KDM4C: variants seen among roughly 807,000 people sequenced by gnomAD.
The protein encoded by KDM4C is lysine demethylase 4C, also known as lysine-specific demethylase 4C.
In KDM4C, 81 loss-of-function variants were observed where a neutral mutation model predicts 129.3. That is an observed-to-expected ratio of 0.63 (90% CI 0.52 to 0.75). The LOEUF (loss-of-function observed/expected upper bound fraction) is 0.75. Among genes scored for constraint, KDM4C ranks in the 30% least tolerant of loss-of-function variants. The pLI is 0.00. For missense variants in KDM4C, 1,457 were observed against 1,304.0 expected, an observed-to-expected ratio of 1.12 and a Z score of -1.81; for synonymous variants, 573 against 456.1, an observed-to-expected ratio of 1.26 and a Z score of -3.26.
At chr9:6,865,149 C>T (rs934855211) in intron 5 of KDM4C, among the ~76,000 whole-genome samples, 9 of 151,942 alleles carry the variant, frequency 5.9e-5, no homozygotes, top group Admixed American at 4.6e-4. Context: ...GCTGGGACTG[C>T]AGGTGCCCGC....
intron 8 of KDM4C, among the ~76,000 whole-genome samples, chr9:6,954,705 C>T (rs1563878225): frequency 6.6e-6 from 1 of 152,118 alleles, no homozygotes; most frequent in Non-Finnish European, 1.5e-5. Flanking sequence ...TTCTATGTAA[C>T]TTCTTAAAAG....
At chr9:6,865,184 A>G (rs1021790700) in intron 5 of KDM4C, among the ~76,000 whole-genome samples, 1 of 151,462 alleles carries the variant, frequency 6.6e-6, no homozygotes, top group Non-Finnish European at 1.5e-5. Flanking sequence ...AATTTTTTGT[A>G]TTTTTAGTAG....
intron 15 of KDM4C, among the ~76,000 whole-genome samples, chr9:7,033,294 T>C (rs1827092272): frequency 6.6e-6 from 1 of 152,176 alleles, no homozygotes. Flanking sequence ...CATTCACCAT[T>C]GGGCGGGTAG....
chr9:6,973,540 A>G (rs1018028758), intron 8 of KDM4C, among the ~76,000 whole-genome samples: 17 of 152,136 alleles, frequency 1.1e-4, no homozygotes, highest in African/African-American at 3.9e-4. Context: ...TCAAGGTTTC[A>G]TTTTTTCCAG....
chr9:6,986,643 A>C lies in KDM4C; in HGVS notation c.1654A>C (p.Arg552=). Residue 552 remains arginine, a synonymous_variant, in exon 11 of 22, where the codon AGA becomes CGA. Coordinates refer to ENST00000381309, the MANE Select transcript of KDM4C (RefSeq NM_015061.6). ...AATCCCAGCGGTCCCCAGTGGAGAGAGAAATAGCTTCAAAGTCCCCAGTGT... is the reference window on the plus strand; with the variant it reads ...AATCCCAGCGGTCCCCAGTGGAGAGCGAAATAGCTTCAAAGTCCCCAGTGT... The part of the protein sequence containing the change: ...GEIPAVPSGE[R]NSFKVPSIAE... 8 of 1,608,692 alleles carry C rather than the reference A, an allele frequency of 5.0e-6. No individual in the cohort carries two copies. Among genetic ancestry groups the C allele is most frequent in the Non-Finnish European group, 6.8e-6 (8 of 1,175,766 alleles).
intron 1 of KDM4C, among the ~76,000 whole-genome samples, chr9:6,741,101 AT>A (rs1249736111): frequency 6.6e-6 from 1 of 151,980 alleles, no homozygotes; most frequent in African/African-American, 2.4e-5. Context: ...TATGAAATAT[AT>A]TTTTAAAAAC....
At chr9:6,831,012 A>G (rs1339554232) in intron 4 of KDM4C, among the ~76,000 whole-genome samples, 1 of 152,246 alleles carries the variant, frequency 6.6e-6, no homozygotes, top group African/African-American at 2.4e-5. Context: ...AAAAGGCTCA[A>G]GTACAGCCCA....
chr9:6,757,856 G>C (rs1667332958), upstream of KDM4C: 2 of 985,536 alleles, frequency 2.0e-6, no homozygotes, highest in South Asian at 9.4e-5. Flanking sequence ...CCACAGCGCG[G>C]AAGTTGAGCC....
intron 1 of KDM4C, among the ~76,000 whole-genome samples, chr9:6,746,049 G>A (rs1362630472): frequency 1.3e-5 from 2 of 151,578 alleles, no homozygotes; most frequent in East Asian, 1.9e-4. Context: ...CAGGTGATCC[G>A]CCTGCCTCAG....
At chr9:6,854,525 C>CA (rs1177446839) in intron 5 of KDM4C, among the ~76,000 whole-genome samples, 2,110 of 40,860 alleles carry the variant, frequency 0.052, 92 homozygotes, top group African/African-American at 0.11. Flanking sequence ...AACTCCGTCT[C>CA]AAAAAAAAAA....
At chr9:7,116,189 A>G (rs866178966) in intron 18 of KDM4C, among the ~76,000 whole-genome samples, 31 of 152,312 alleles carry the variant, frequency 2.0e-4, no homozygotes, top group African/African-American at 7.2e-4. Flanking sequence ...TGCAAGCATC[A>G]GATACCTTAA....
intron 21 of KDM4C, among the ~76,000 whole-genome samples, chr9:7,173,876 C>T (rs532964789): frequency 1.3e-5 from 2 of 152,250 alleles, no homozygotes; most frequent in African/African-American, 4.8e-5. Context: ...GTGAGCATCT[C>T]CTGCAGACAC....
intron 17 of KDM4C, among the ~76,000 whole-genome samples, chr9:7,091,206 G>A (rs1037806214): frequency 6.6e-6 from 1 of 152,096 alleles, no homozygotes; most frequent in Non-Finnish European, 1.5e-5. Context: ...TTTTGTCACT[G>A]TCATGAGATT....
intron 4 of KDM4C, among the ~76,000 whole-genome samples, chr9:6,832,988 G>C (rs1450048914): frequency 6.6e-6 from 1 of 151,202 alleles, no homozygotes; most frequent in South Asian, 2.1e-4. Context: ...TGCTTGCCTC[G>C]GCCTCCCAAA....
chr9:6,854,830 A>G (rs1839513725), intron 5 of KDM4C, among the ~76,000 whole-genome samples: 1 of 152,216 alleles, frequency 6.6e-6, no homozygotes, highest in South Asian at 2.1e-4. Flanking sequence ...AGTGTTGTGT[A>G]GTACTTACCA....
chr9:7,132,487 T>C (rs764510588), intron 19 of KDM4C, among the ~76,000 whole-genome samples: 13 of 152,200 alleles, frequency 8.5e-5, no homozygotes, highest in Admixed American at 2.6e-4. Flanking sequence ...AAAAATTCTT[T>C]CTCAACAATG....
chr9:7,024,088 A>C (rs1219617803), intron 15 of KDM4C, among the ~76,000 whole-genome samples: 1 of 152,200 alleles, frequency 6.6e-6, no homozygotes, highest in Non-Finnish European at 1.5e-5. Context: ...TGCAGAGGAA[A>C]AGAATGTGTA....
Position 7,089,817 on chromosome 9 carries a change from G to A in KDM4C, c.2425-13868G>A, listed in dbSNP as rs1036572421. Among the ~76,000 whole-genome samples the A allele has an allele frequency of 3.9e-4, 59 of 152,366 alleles. 1 individual carries two copies. The highest frequency in any genetic ancestry group is 3.5e-3 in the Admixed American group (53 of 15,304). Reference sequence around the variant, plus strand: ...AAACAAAACCTTGCCATATTTTGCTGGCTCGGCCTTTCCTTTGCTCAGATT... The same window carrying A: ...AAACAAAACCTTGCCATATTTTGCTAGCTCGGCCTTTCCTTTGCTCAGATT... On this transcript the variant is annotated intron_variant, in intron 17 of 21. Transcript: ENST00000381309.
chr9:6,941,956 G>A (rs1826024803), intron 8 of KDM4C: 1 of 152,104 alleles, frequency 6.6e-6, no homozygotes, highest in African/African-American at 2.4e-5. Context: ...CAGTGTTTGA[G>A]TATCACAAGA....
Sources: gnomAD v4.1 joint callset for allele counts (sites outside exome capture counted in the v4.1 genomes callset) on GRCh38, gnomAD v4.1.1 for gene constraint, MANE v1.5 for transcripts, NCBI Gene and HGNC (gene_info 2026-07-23, HGNC 2026-07-21) for gene names.